ARHGEF33: variants seen among roughly 807,000 people sequenced by gnomAD.
The protein encoded by ARHGEF33 is DH and coiled-coil domain-containing protein ENSP00000381780.
ARHGEF33 carries 72 observed loss-of-function variants against 101.9 expected under a neutral mutation model. The observed-to-expected ratio is 0.71, with a 90% CI of 0.58 to 0.86. The LOEUF is 0.86. Ranked by LOEUF, ARHGEF33 falls within the 40% of genes least tolerant of loss-of-function variation. The pLI, the probability that ARHGEF33 is intolerant of heterozygous loss-of-function variation, is 0.00. For synonymous variants in ARHGEF33, 499 were observed against 442.5 expected, an observed-to-expected ratio of 1.13 and a Z score of -1.60; for missense variants, 1,169 against 1,111.3, an observed-to-expected ratio of 1.05 and a Z score of -0.74.
At position 38,937,205 on chromosome 2, in the gene ARHGEF33, A is replaced by G. The variant is rs1021428523; in HGVS notation, c.566-130A>G. On this transcript the variant is annotated intron_variant, in intron 8 of 17. Transcript: ENST00000409978. ...GAGACAGGGTTTCACCATGTTAGCCAGGATGGTCTCAATCTCCTGACTTCG... is the reference window on the plus strand; with the variant it reads ...GAGACAGGGTTTCACCATGTTAGCCGGGATGGTCTCAATCTCCTGACTTCG... 1.5e-5 allele frequency: 9 copies of G among 608,372 alleles called. No homozygotes were observed. In the African/African-American group the frequency reaches 1.7e-4, roughly 11 times the overall value. 37.7% of individuals were successfully genotyped at this position (608,372 alleles called of 1,614,324 possible).
At position 38,935,806 on chromosome 2, in the gene ARHGEF33, C is replaced by T. The variant is rs748283465; in HGVS notation, c.537C>T (p.Asp179=). 14 of 1,551,904 alleles carry T rather than the reference C, an allele frequency of 9.0e-6. No individual in the cohort carries two copies. In the Middle Eastern group the frequency reaches 5.0e-4, roughly 55 times the overall value. The change falls in exon 8 of 18, where the codon GAC becomes GAT. Residue 179 remains aspartate (D), a synonymous_variant. Transcript: ENST00000409978. ...AQESRSVHVG[D]SNVKGMMGPG... Reference sequence around the variant, plus strand: ...AGTCCAGATCTGTTCATGTAGGAGACAGTAATGTAAAAGGAATGATGGGTC... The same window carrying T: ...AGTCCAGATCTGTTCATGTAGGAGATAGTAATGTAAAAGGAATGATGGGTC...
intron 4 of ARHGEF33, 129 bp downstream of exon 4, chr2:38,921,552 G>GA: frequency 1.5e-6 from 1 of 684,884 alleles, no homozygotes. Context: ...CTCTTAACAG[G>GA]GCTGTGAGAC....
intron 4 of ARHGEF33, among the ~76,000 whole-genome samples, chr2:38,921,957 A>G (rs776723594): frequency 6.6e-6 from 1 of 152,204 alleles, no homozygotes; most frequent in Non-Finnish European, 1.5e-5. Context: ...AAATATCTGT[A>G]CAGGAAAAAC....
intron 4 of ARHGEF33, among the ~76,000 whole-genome samples, chr2:38,926,418 A>G (rs998839627): frequency 2.0e-5 from 3 of 152,180 alleles, no homozygotes; most frequent in African/African-American, 7.2e-5. Flanking sequence ...ACCGCTCTGT[A>G]GGGGCTAAAG....
intron 1 of ARHGEF33, among the ~76,000 whole-genome samples, chr2:38,891,309 C>T (rs1028520241): frequency 6.6e-6 from 1 of 152,064 alleles, no homozygotes; most frequent in Non-Finnish European, 1.5e-5. Context: ...TTCAACATAG[C>T]AGGCCAGTAA....
chr2:38,927,646 A>G lies in ARHGEF33; in HGVS notation c.76-1261A>G, dbSNP rs550983030. On this transcript the variant is annotated intron_variant, in intron 4 of 17. Coordinates refer to ENST00000409978, the MANE Select transcript of ARHGEF33 (RefSeq NM_001145451.5). ...AGAAGGTAGAGGTTGCAGTGAGCCA[A>G]GATCATGCCACTGCACTCCAGCCTG... is the stretch of plus-strand genomic sequence containing the variant. Among the ~76,000 whole-genome samples the G allele has an allele frequency of 8.5e-5, 13 of 152,370 alleles. No homozygotes were observed. The South Asian group carries it at 2.7e-3, about 32-fold the overall frequency.
At chr2:38,897,129 T>C (rs1666139561) in intron 2 of ARHGEF33, among the ~76,000 whole-genome samples, 1 of 152,110 alleles carries the variant, frequency 6.6e-6, no homozygotes, top group South Asian at 2.1e-4. Flanking sequence ...TTGGTCAGGC[T>C]GGTCTCGAAC....
chr2:38,914,401 C>G (rs987484515), intron 2 of ARHGEF33, among the ~76,000 whole-genome samples: 2 of 152,200 alleles, frequency 1.3e-5, no homozygotes, highest in African/African-American at 4.8e-5. Flanking sequence ...AATGTGGTGG[C>G]TCACGCCTGT....
chr2:38,962,487 CAAT>C (rs1667966273), intron 16 of ARHGEF33, among the ~76,000 whole-genome samples: 1 of 152,056 alleles, frequency 6.6e-6, no homozygotes, highest in Admixed American at 6.5e-5. Context: ...TACCAAATAA[CAAT>C]AACAGTGTAT....
intron 9 of ARHGEF33, among the ~76,000 whole-genome samples, chr2:38,942,861 G>A (rs763311119): frequency 1.3e-5 from 2 of 152,192 alleles, no homozygotes; most frequent in African/African-American, 4.8e-5. Flanking sequence ...TGTATTGACC[G>A]AGCTTGTCAA....
intron 4 of ARHGEF33, among the ~76,000 whole-genome samples, chr2:38,928,075 C>A (rs548564713): frequency 6.6e-6 from 1 of 152,228 alleles, no homozygotes; most frequent in Non-Finnish European, 1.5e-5. Context: ...CAAGGCAGCC[C>A]TGTGAAATAG....
Position 38,929,807 on chromosome 2 carries a change from A to G in ARHGEF33, c.339A>G (p.Arg113=). ...AGCAGCTTCAACAGGAGAAGCGAAG[A>G]GAATCTCGAAAAGTTAAAGCCAAGT... ...KIEQLQQEKR[R]ESRKVKAKKT... The change falls in exon 6 of 18, where the codon AGA becomes AGG. Residue 113 remains arginine (R), a synonymous_variant. Coordinates refer to ENST00000409978, the MANE Select transcript of ARHGEF33 (RefSeq NM_001145451.5). 6.4e-7 allele frequency: 1 copy of G among 1,551,552 alleles called. No homozygotes were observed. Among genetic ancestry groups the G allele is most frequent in the Non-Finnish European group, 8.7e-7 (1 of 1,146,834 alleles).
chr2:38,929,892 C>A lies in ARHGEF33; in HGVS notation c.362+62C>A, dbSNP rs756229332. 1,160 of 1,453,104 alleles carry A rather than the reference C, an allele frequency of 8.0e-4. 1 individual carries two copies. Among genetic ancestry groups the A allele is most frequent in the Non-Finnish European group, 1.0e-3 (1,100 of 1,067,174 alleles). 90.0% of individuals were successfully genotyped at this position (1,453,104 alleles called of 1,614,324 possible). ...ATAAGCAATGGCTTCTGCAGAGGCA[C>A]CTGGTACACATTCCCCACTATCAGT... is the stretch of plus-strand genomic sequence containing the variant. On this transcript the variant is annotated intron_variant, in intron 6 of 17. Coordinates refer to ENST00000409978, the MANE Select transcript of ARHGEF33 (RefSeq NM_001145451.5).
At position 38,954,430 on chromosome 2, in the gene ARHGEF33, A is replaced by C. The variant is rs973700884; in HGVS notation, c.1195A>C (p.Ile399Leu). 6.4e-7 allele frequency: 1 copy of C among 1,550,544 alleles called. No homozygotes were observed. The highest frequency in any genetic ancestry group is 8.7e-7 in the Non-Finnish European group (1 of 1,146,026). ...YTLFFHIVQR[I>L]PEYLIHLQNV... ...GTTGTTTTTTCACATAGTCCAGCGC[A>C]TCCCTGAATATCTGATACATCTGCA... is the stretch of plus-strand genomic sequence containing the variant. Residue 399 changes from isoleucine (I) to leucine (L), a missense_variant, in exon 13 of 18, where the codon ATC becomes CTC. Coordinates refer to ENST00000409978, the MANE Select transcript of ARHGEF33 (RefSeq NM_001145451.5).
chr2:38,975,071 C>G lies in ARHGEF33; in HGVS notation c.*1228C>G, dbSNP rs971740177. The G allele has an allele frequency of 2.6e-5, 4 of 152,186 alleles. No homozygotes were observed. Among genetic ancestry groups the G allele is most frequent in the African/African-American group, 7.2e-5 (3 of 41,440 alleles). 9.4% of individuals were successfully genotyped at this position (152,186 alleles called of 1,614,324 possible). On this transcript the variant is annotated 3_prime_UTR_variant, in exon 18 of 18. Transcript: ENST00000409978. The stretch of plus-strand genomic sequence containing the variant: ...TAGGGGTATTTGGTTTCTGTTCATT[C>G]AAAATCTTGGTACTCAAACTGGTGT...
At chr2:38,942,685 T>C (rs1198489568) in intron 9 of ARHGEF33, among the ~76,000 whole-genome samples, 1 of 152,196 alleles carries the variant, frequency 6.6e-6, no homozygotes, top group Non-Finnish European at 1.5e-5. Context: ...TATTCTTTTG[T>C]ATCCTGCATT....
chr2:38,903,287 T>C lies in ARHGEF33; in HGVS notation c.-86+7438T>C, dbSNP rs186894951. On this transcript the variant is annotated intron_variant, in intron 2 of 17. Coordinates refer to ENST00000409978, the MANE Select transcript of ARHGEF33 (RefSeq NM_001145451.5). ...TTTACAGGATTTTAAGAAGCAGGGA[T>C]CTGTTTTGCATGTGAATTTTACATC... 3.4e-4 allele frequency among the ~76,000 whole-genome samples: 51 copies of C among 152,216 alleles called. 1 individual carries two copies. In the South Asian group the frequency reaches 6.4e-3, roughly 19 times the overall value.
chr2:38,904,201 A>G (rs1666335212), intron 2 of ARHGEF33, among the ~76,000 whole-genome samples: 1 of 152,220 alleles, frequency 6.6e-6, no homozygotes, highest in Admixed American at 6.5e-5. Context: ...ATGGGCCTAC[A>G]TTAGACTTTG....
At position 38,902,880 on chromosome 2, in the gene ARHGEF33, A is replaced by G. The variant is rs543362347; in HGVS notation, c.-86+7031A>G. Among the ~76,000 whole-genome samples, 391 of 152,236 alleles carry G rather than the reference A, an allele frequency of 2.6e-3. 3 individuals are homozygous for G. Among genetic ancestry groups the G allele is most frequent in the Non-Finnish European group, 4.9e-3 (335 of 68,010 alleles). ...GCAGTGAAAGGGAGATAGGGTATAG[A>G]GGCCAGGACTCCTCTCTTATATGTA... On this transcript the variant is annotated intron_variant, in intron 2 of 17. Coordinates refer to ENST00000409978, the MANE Select transcript of ARHGEF33 (RefSeq NM_001145451.5).
Sources: allele counts gnomAD v4.1 joint callset (sites outside exome capture counted in the v4.1 genomes callset), GRCh38; gene constraint gnomAD v4.1.1; transcripts MANE v1.5; gene names NCBI Gene and HGNC (gene_info 2026-07-23, HGNC 2026-07-21).